DPP6: variants seen among roughly 807,000 people sequenced by gnomAD.
The protein encoded by DPP6 is dipeptidyl peptidase like 6.
A neutral mutation model predicts 122.6 loss-of-function variants in DPP6; 69 were observed. That is an observed-to-expected ratio of 0.56 (90% confidence interval 0.46 to 0.69). The LOEUF is 0.69. Among genes scored for constraint, DPP6 ranks in the 30% least tolerant of loss-of-function variants. DPP6 has a pLI of 0.00. For synonymous variants in DPP6, 418 were observed against 433.1 expected (o/e 0.97, Z 0.43); for missense variants, 928 against 1,116.9 (o/e 0.83, Z 2.41).
chr7:153,958,371 A>G (rs1468307378), intron 1 of DPP6, among the ~76,000 whole-genome samples: 3 of 152,100 alleles, frequency 2.0e-5, no homozygotes, highest in Non-Finnish European at 2.9e-5. Context: ...GCAGGTAGAG[A>G]ACAGGGAGGA....
chr7:154,056,533 G>GT (rs1449536328), intron 1 of DPP6, among the ~76,000 whole-genome samples: 2 of 152,094 alleles, frequency 1.3e-5, no homozygotes, highest in South Asian at 2.1e-4. Context: ...TAGAGCAGTA[G>GT]TTTTTTTAAG....
At chr7:154,464,246 G>A (rs1311279317) in intron 2 of DPP6, among the ~76,000 whole-genome samples, 1 of 152,188 alleles carries the variant, frequency 6.6e-6, no homozygotes, top group African/African-American at 2.4e-5. Context: ...GCAACACTGA[G>A]TTTCAATGCA....
At chr7:154,413,961 A>T (rs75327739) in intron 1 of DPP6, among the ~76,000 whole-genome samples, 8,838 of 152,220 alleles carry the variant, frequency 0.058, 830 homozygotes, top group African/African-American at 0.2. Flanking sequence ...AACTTTAAAA[A>T]AAGATATCAT....
chr7:153,835,050 T>C, the DPP6 span, among the ~76,000 whole-genome samples: 1 of 152,212 alleles, frequency 6.6e-6, no homozygotes, highest in Admixed American at 6.5e-5. Flanking sequence ...TGCCCCCTCA[T>C]TCTTGTTATA....
intron 3 of DPP6, among the ~76,000 whole-genome samples, chr7:154,494,306 A>G (rs1824535269): frequency 6.6e-6 from 1 of 151,704 alleles, no homozygotes; most frequent in Admixed American, 6.6e-5. Flanking sequence ...TGGTGGGCTG[A>G]CATCGCACCA....
intron 7 of DPP6, 29 bp downstream of exon 7, chr7:154,669,470 T>C (rs1461801424): frequency 1.5e-5 from 23 of 1,548,164 alleles, no homozygotes; most frequent in Non-Finnish European, 1.8e-5. Context: ...GTAACTATAC[T>C]TGGGTTTTGA....
chr7:154,636,864 C>T (rs921067406), intron 5 of DPP6, among the ~76,000 whole-genome samples: 1 of 152,168 alleles, frequency 6.6e-6, no homozygotes, highest in Non-Finnish European at 1.5e-5. Context: ...GCCTCCACGT[C>T]CCTCACCTAT....
intron 21 of DPP6, among the ~76,000 whole-genome samples, chr7:154,881,623 G>C (rs980996225): frequency 1.3e-5 from 2 of 152,194 alleles, no homozygotes; most frequent in Non-Finnish European, 2.9e-5. Context: ...CTGCAGAGGA[G>C]GCCTTGCTGT....
intron 1 of DPP6, among the ~76,000 whole-genome samples, chr7:154,045,691 A>G (rs1799986144): frequency 6.6e-6 from 1 of 152,246 alleles, no homozygotes; most frequent in African/African-American, 2.4e-5. Context: ...TAGTAAGACT[A>G]GCAGTGCTCC....
At chr7:154,850,362 C>T (rs959433066) in intron 16 of DPP6, among the ~76,000 whole-genome samples, 13 of 151,728 alleles carry the variant, frequency 8.6e-5, no homozygotes, top group African/African-American at 2.9e-4. Flanking sequence ...AGGATTTTTG[C>T]ATTTATGTTC....
intron 2 of DPP6, among the ~76,000 whole-genome samples, chr7:154,454,879 A>T (rs2151305254): frequency 6.6e-6 from 1 of 152,292 alleles, no homozygotes; most frequent in African/African-American, 2.4e-5. Context: ...GATCTGCTTG[A>T]GCGTTTATCC....
At chr7:154,560,516 T>G (rs1349110131) in intron 4 of DPP6, among the ~76,000 whole-genome samples, 1 of 152,196 alleles carries the variant, frequency 6.6e-6, no homozygotes, top group Non-Finnish European at 1.5e-5. Flanking sequence ...TTTTATATTT[T>G]GTTTAAAAGG....
the DPP6 span, among the ~76,000 whole-genome samples, chr7:153,795,634 T>C: frequency 6.6e-6 from 1 of 152,194 alleles, no homozygotes; most frequent in Admixed American, 6.5e-5. Context: ...TCCTTTCTTC[T>C]ACTTCCTTTG....
chr7:154,002,821 A>G (rs1354179144), intron 1 of DPP6, among the ~76,000 whole-genome samples: 1 of 152,146 alleles, frequency 6.6e-6, no homozygotes, highest in Non-Finnish European at 1.5e-5. Flanking sequence ...GACAGAGCAT[A>G]TGAGGGTGGA....
intron 1 of DPP6, among the ~76,000 whole-genome samples, chr7:154,252,473 T>A (rs1241437794): frequency 6.6e-6 from 1 of 152,196 alleles, no homozygotes; most frequent in Non-Finnish European, 1.5e-5. Context: ...TTGTTTTAAA[T>A]TCTCTATAGA....
chr7:154,052,725 T>C lies in DPP6; in HGVS notation c.-96T>C. 1 of 1,265,192 alleles carries C rather than the reference T, an allele frequency of 7.9e-7. No individual in the cohort carries two copies. The highest frequency in any genetic ancestry group is 1.4e-5 in the South Asian group (1 of 71,102). The allele number at this position is 1,265,192 out of a possible 1,614,324, so 78.4% of individuals were successfully genotyped here. On this transcript the variant is annotated 5_prime_UTR_variant, in exon 1 of 26. Transcript: ENST00000377770. The surrounding 1 kb of genome is among the most constrained non-coding windows in gnomAD (Gnocchi z 4.8). ...TGCTGCTGCCTCCCCACCGCCTTTT[T>C]TTTTTTTTAATCTGGAGCGGGGTGG...
chr7:154,883,820 A>AG (rs1805745010), intron 21 of DPP6: 3 of 100,276 alleles, frequency 3.0e-5, no homozygotes, highest in East Asian at 9.1e-4. Flanking sequence ...TGCTCACACA[A>AG]TTACATACAC....
At chr7:154,185,420 G>C (rs886346046) in intron 1 of DPP6, among the ~76,000 whole-genome samples, 2 of 152,070 alleles carry the variant, frequency 1.3e-5, no homozygotes, top group East Asian at 1.9e-4. Context: ...AAATGTCCAC[G>C]CTGGGTATCA....
At chr7:154,669,686 G>T (rs1838431791) in intron 7 of DPP6, among the ~76,000 whole-genome samples, 1 of 152,114 alleles carries the variant, frequency 6.6e-6, no homozygotes, top group African/African-American at 2.4e-5. Flanking sequence ...CATCTGACAT[G>T]GTTAAAGTGG....
Sources: allele counts gnomAD v4.1 joint callset (sites outside exome capture counted in the v4.1 genomes callset), GRCh38; gene constraint gnomAD v4.1.1; non-coding constraint Gnocchi (gnomAD v3.1); transcripts MANE v1.5; gene names NCBI Gene and HGNC (gene_info 2026-07-23, HGNC 2026-07-21).